The following PCYT1A variants were observed in gnomAD, a reference collection of about 807,000 sequenced individuals.
PCYT1A encodes choline-phosphate cytidylyltransferase A.
A neutral mutation model predicts 43.7 loss-of-function variants in PCYT1A; 25 were observed. The ratio of observed to expected loss-of-function variants is 0.57; its 90% CI spans 0.42 to 0.80. The LOEUF is 0.80. PCYT1A is among the 30% of genes least tolerant of loss of function. The pLI, the probability that PCYT1A is intolerant of heterozygous loss-of-function variation, is 0.00. For synonymous variants in PCYT1A, 172 were observed against 170.7 expected (o/e 1.01, Z -0.06); for missense variants, 421 against 474.2 (o/e 0.89, Z 1.04).
At chr3:196,257,696 GGCAGTATATAGAGA>G (rs2108771692) in intron 3 of PCYT1A, 78 bp downstream of exon 3, 1 of 769,502 alleles carries the variant, frequency 1.3e-6, no homozygotes, top group African/African-American at 1.7e-5. Context: ...GTAAACAGAG[GGCAGTATATAGAGA>G]GCAGGTGTGT....
At chr3:196,271,077 T>C (rs1326230195) in intron 1 of PCYT1A, among the ~76,000 whole-genome samples, 3 of 152,122 alleles carry the variant, frequency 2.0e-5, no homozygotes, top group Non-Finnish European at 2.9e-5. Flanking sequence ...CAGGCTGGGG[T>C]GCAGTGGTAT....
At chr3:196,244,293 T>C (rs1287663206) in intron 5 of PCYT1A, among the ~76,000 whole-genome samples, 3 of 139,692 alleles carry the variant, frequency 2.1e-5, no homozygotes, top group Non-Finnish European at 4.6e-5. Context: ...GGAGCCCCTC[T>C]GCCCGGCTGC....
At chr3:196,284,620 C>G (rs1467228535) in intron 1 of PCYT1A, among the ~76,000 whole-genome samples, 1 of 152,176 alleles carries the variant, frequency 6.6e-6, no homozygotes, top group Non-Finnish European at 1.5e-5. Flanking sequence ...TAAGGGATCA[C>G]ATATCCAAAA....
Position 196,248,911 on chromosome 3 carries a change from C to T in PCYT1A, c.218-588G>A, listed in dbSNP as rs538939066. On this transcript the variant is annotated intron_variant, in intron 3 of 8. Coordinates refer to ENST00000431016, the MANE Select transcript of PCYT1A (RefSeq NM_001312673.2). ...AGCTGGAACTACAGGCGCCCACCAC[C>T]AAGCCCAGCTAATTTTTTGTATTAT... Among the ~76,000 whole-genome samples the T allele has an allele frequency of 2.2e-3, 339 of 152,098 alleles. 2 individuals are homozygous for T. Among genetic ancestry groups the T allele is most frequent in the Non-Finnish European group, 3.6e-3 (247 of 67,982 alleles).
intron 3 of PCYT1A, chr3:196,251,251 A>T (rs557044329): frequency 5.7e-6 from 1 of 175,996 alleles, no homozygotes; most frequent in Admixed American, 6.6e-5. Context: ...TGAGGACCAG[A>T]TACACCATGC....
rs73891234 is a variant in PCYT1A, at chr3:196,277,937, C to T, written c.-10-7396G>A. Among the ~76,000 whole-genome samples the T allele has an allele frequency of 9.1e-4, 138 of 152,144 alleles. No individual in the cohort carries two copies. The highest frequency in any genetic ancestry group is 3.2e-3 in the African/African-American group (131 of 41,528). On this transcript the variant is annotated intron_variant, in intron 1 of 8. Transcript: ENST00000431016. This position sits in a 1 kb window ranked among gnomAD's most constrained non-coding sequence, Gnocchi z 4.1. Reference sequence around the variant, plus strand: ...CTCACAAGTTTTTTTCATTTTTTCCCGGCCTTCTTATGCCATCCCAATGTT... The same window carrying T: ...CTCACAAGTTTTTTTCATTTTTTCCTGGCCTTCTTATGCCATCCCAATGTT...
chr3:196,258,930 T>TATG (rs1725028212), intron 2 of PCYT1A, among the ~76,000 whole-genome samples: 1 of 152,236 alleles, frequency 6.6e-6, no homozygotes, highest in South Asian at 2.1e-4. Context: ...TTGTGATGTT[T>TATG]ATGTCTGGCT....
At chr3:196,244,853 G>GAT (rs1724507541) in intron 5 of PCYT1A, among the ~76,000 whole-genome samples, 1 of 151,880 alleles carries the variant, frequency 6.6e-6, no homozygotes, top group Non-Finnish European at 1.5e-5. Flanking sequence ...GATTAAGGGC[G>GAT]GTGCAAGATG....
rs1269551780 is a variant in PCYT1A, at chr3:196,239,750, A to G, written c.709-15T>C. On this transcript the variant is annotated splice_polypyrimidine_tract_variant and intron_variant, in intron 7 of 8. Coordinates refer to ENST00000431016, the MANE Select transcript of PCYT1A (RefSeq NM_001312673.2). ...TATTTCTTCTCCTAGATAAAGAAATAACTCTTCTGAGAAATAATGCTCATC... is the reference window on the plus strand; with the variant it reads ...TATTTCTTCTCCTAGATAAAGAAATGACTCTTCTGAGAAATAATGCTCATC... 6 of 1,549,188 alleles carry G rather than the reference A, an allele frequency of 3.9e-6. No individual in the cohort carries two copies. The highest frequency in any genetic ancestry group is 5.3e-6 in the Non-Finnish European group (6 of 1,121,880).
intron 7 of PCYT1A, among the ~76,000 whole-genome samples, chr3:196,241,042 C>T (rs2108762051): frequency 6.7e-6 from 1 of 149,656 alleles, no homozygotes; most frequent in East Asian, 2.0e-4. Context: ...GCCTGTAATC[C>T]CAGCACTTTG....
chr3:196,245,391 TG>T, intron 5 of PCYT1A, among the ~76,000 whole-genome samples: 1 of 152,148 alleles, frequency 6.6e-6, no homozygotes. Context: ...CCACCTGACT[TG>T]GCCTCCCAAA....
rs10668425 is a variant in PCYT1A at position 196,249,313 on chromosome 3, A to ATTTT, written c.218-994_218-991dup. ...AGATGGACACCACCATGCCCAGCTA[A>ATTTT]TTTTTTTTTTTTTTTTTTGTAGAGA... On this transcript the variant is annotated intron_variant, in intron 3 of 8. Coordinates refer to ENST00000431016, the MANE Select transcript of PCYT1A (RefSeq NM_001312673.2). Among the ~76,000 whole-genome samples, 19 of 125,814 alleles carry ATTTT rather than the reference A, an allele frequency of 1.5e-4. 2 individuals are homozygous for ATTTT. Among genetic ancestry groups the ATTTT allele is most frequent in the East Asian group, 4.8e-4 (2 of 4,186 alleles). The allele number at this position is 125,814 out of a possible 152,430, so 82.5% of individuals were successfully genotyped here.
intron 3 of PCYT1A, among the ~76,000 whole-genome samples, chr3:196,249,307 C>T (rs1437457520): frequency 1.4e-5 from 2 of 142,418 alleles, no homozygotes; most frequent in African/African-American, 5.1e-5. Flanking sequence ...CCACCATGCC[C>T]AGCTAATTTT....
Position 196,250,177 on chromosome 3 carries a change from TGAGGACCAGGTACACCATGCCGAGGCA to T in PCYT1A, c.218-1881_218-1855del, listed in dbSNP as rs1560166173. Among the ~76,000 whole-genome samples, 47 of 138,458 alleles carry T rather than the reference TGAGGACCAGGTACACCATGCCGAGGCA, an allele frequency of 3.4e-4. 1 individual carries two copies. Among genetic ancestry groups the T allele is most frequent in the Non-Finnish European group, 4.7e-4 (30 of 63,694 alleles). 90.8% of individuals were successfully genotyped at this position (138,458 alleles called of 152,430 possible). On this transcript the variant is annotated intron_variant, in intron 3 of 8. Coordinates refer to ENST00000431016, the MANE Select transcript of PCYT1A (RefSeq NM_001312673.2). ...AGGACCAGGTACACCATGCCGAGGC[TGAGGACCAGGTACACCATGCCGAGGCA>T]GAGGACCAGGTACACCATGCCGAGG...
At chr3:196,267,280 C>T (rs749884599) in intron 2 of PCYT1A, 12 of 456,024 alleles carry the variant, frequency 2.6e-5, no homozygotes, top group Non-Finnish European at 4.0e-5. Context: ...GACCACATAC[C>T]GTATGATGTC....
At chr3:196,264,430 CTCTGTACCTAATG>C (rs1400524449) in intron 2 of PCYT1A, among the ~76,000 whole-genome samples, 1 of 152,156 alleles carries the variant, frequency 6.6e-6, no homozygotes, top group Non-Finnish European at 1.5e-5. Flanking sequence ...ATCTCGCACT[CTCTGTACCTAATG>C]TCATAGTTTA....
rs928659879 is a variant in PCYT1A, at chr3:196,277,107, G to A, written c.-10-6566C>T. Among the ~76,000 whole-genome samples the A allele has an allele frequency of 6.6e-6, 1 of 152,024 alleles. No individual in the cohort carries two copies. Among genetic ancestry groups the A allele is most frequent in the African/African-American group, 2.4e-5 (1 of 41,372 alleles). On this transcript the variant is annotated intron_variant, in intron 1 of 8. Coordinates refer to ENST00000431016, the MANE Select transcript of PCYT1A (RefSeq NM_001312673.2). This position sits in a 1 kb window ranked among gnomAD's most constrained non-coding sequence, Gnocchi z 4.1. The stretch of plus-strand genomic sequence containing the variant: ...TAGCCAGGTGTGGTGGCGGGCACCT[G>A]TAATCCCAGCTACTTGGGAGGCTGA...
At chr3:196,263,658 G>C (rs1332618610) in intron 2 of PCYT1A, among the ~76,000 whole-genome samples, 1 of 152,150 alleles carries the variant, frequency 6.6e-6, no homozygotes, top group African/African-American at 2.4e-5. Context: ...TTTTGAGACA[G>C]AGTCTTGCTC....
chr3:196,239,969 A>C, intron 7 of PCYT1A: 1 of 510,204 alleles, frequency 2.0e-6, no homozygotes, highest in Non-Finnish European at 3.5e-6. Context: ...CTAAAAATAT[A>C]GGCTATACCC....
Sources: gnomAD v4.1 joint callset for allele counts (sites outside exome capture counted in the v4.1 genomes callset) on GRCh38, gnomAD v4.1.1 for gene constraint, Gnocchi (gnomAD v3.1) non-coding constraint, MANE v1.5 for transcripts, NCBI Gene and HGNC (gene_info 2026-07-23, HGNC 2026-07-21) for gene names.